Variants in AK5 observed in about 807,000 individuals in gnomAD.
AK5 encodes the protein adenylate kinase 5.
Under a neutral mutation model 69.5 loss-of-function variants are expected in AK5, and 27 were observed. The ratio of observed to expected loss-of-function variants is 0.39; its 90% CI spans 0.29 to 0.54. The LOEUF is 0.54. Ranked by LOEUF, AK5 falls within the 20% of genes least tolerant of loss-of-function variation. The pLI, the probability that AK5 is intolerant of heterozygous loss-of-function variation, is 0.71. For synonymous variants in AK5, 260 were observed against 244.4 expected, an observed-to-expected ratio of 1.06 and a Z score of -0.60; for missense variants, 531 against 700.4, an observed-to-expected ratio of 0.76 and a Z score of 2.73.
At chr1:77,506,662 T>C (rs1657050295) in intron 10 of AK5, among the ~76,000 whole-genome samples, 1 of 152,274 alleles carries the variant, frequency 6.6e-6, no homozygotes, top group Non-Finnish European at 1.5e-5. Flanking sequence ...CATAGAGTGT[T>C]AGTTAGAACA....
At chr1:77,548,285 CGAG>C (rs1488377197) in intron 13 of AK5, among the ~76,000 whole-genome samples, 4 of 152,270 alleles carry the variant, frequency 2.6e-5, no homozygotes, top group South Asian at 4.1e-4. Flanking sequence ...GCTTTGATAA[CGAG>C]GAGAACTGTG....
intron 6 of AK5, among the ~76,000 whole-genome samples, chr1:77,409,752 C>A (rs889648932): frequency 6.6e-6 from 1 of 152,100 alleles, no homozygotes; most frequent in African/African-American, 2.4e-5. Flanking sequence ...TAATTAGATC[C>A]CACTTGTCAA....
intron 8 of AK5, among the ~76,000 whole-genome samples, chr1:77,418,695 G>A (rs548334874): frequency 2.4e-3 from 359 of 152,288 alleles, no homozygotes; most frequent in African/African-American, 8.2e-3. Flanking sequence ...GTGCTCCTCA[G>A]CAATGGCTAA....
intron 6 of AK5, among the ~76,000 whole-genome samples, chr1:77,346,787 A>G (rs1228659040): frequency 3.9e-5 from 6 of 152,112 alleles, no homozygotes; most frequent in South Asian, 4.1e-4. Flanking sequence ...ATGAGCCACC[A>G]CACCCAGCCA....
At chr1:77,519,485 T>C (rs964025811) in intron 11 of AK5, among the ~76,000 whole-genome samples, 12 of 152,126 alleles carry the variant, frequency 7.9e-5, no homozygotes, top group Non-Finnish European at 2.9e-5. Flanking sequence ...GGGGTCCCAA[T>C]CCAGACCCCA....
At chr1:77,381,144 C>A (rs1647604344) in intron 6 of AK5, among the ~76,000 whole-genome samples, 1 of 152,292 alleles carries the variant, frequency 6.6e-6, no homozygotes. Context: ...TAGGAAGTTG[C>A]TTCCACATCA....
chr1:77,497,604 G>C (rs1656419976), intron 10 of AK5, among the ~76,000 whole-genome samples: 1 of 152,146 alleles, frequency 6.6e-6, no homozygotes, highest in South Asian at 2.1e-4. Flanking sequence ...AAACTTTTTT[G>C]TTTGTTGTTG....
intron 6 of AK5, among the ~76,000 whole-genome samples, chr1:77,371,753 T>C (rs1647126069): frequency 6.6e-6 from 1 of 152,118 alleles, no homozygotes. Flanking sequence ...TAAATGGAAG[T>C]CTCTATGATT....
intron 6 of AK5, among the ~76,000 whole-genome samples, chr1:77,346,876 A>G (rs1199919112): frequency 6.6e-6 from 1 of 152,220 alleles, no homozygotes; most frequent in Non-Finnish European, 1.5e-5. Context: ...ACATTTGATA[A>G]CAACTTGCCC....
intron 8 of AK5, among the ~76,000 whole-genome samples, chr1:77,452,492 T>G (rs1653217856): frequency 6.6e-6 from 1 of 152,232 alleles, no homozygotes; most frequent in Non-Finnish European, 1.5e-5. Context: ...AGCTGTCAGA[T>G]TGGATCCAAT....
intron 8 of AK5, among the ~76,000 whole-genome samples, chr1:77,427,495 A>G (rs1394678170): frequency 6.6e-6 from 1 of 152,158 alleles, no homozygotes; most frequent in East Asian, 1.9e-4. Context: ...TCAATAACTA[A>G]TAATCTCCCA....
chr1:77,426,220 T>C (rs997266177), intron 8 of AK5, among the ~76,000 whole-genome samples: 1 of 152,206 alleles, frequency 6.6e-6, no homozygotes, highest in Admixed American at 6.5e-5. Flanking sequence ...GACCCCACTA[T>C]ATGTTGTCTA....
At chr1:77,420,795 C>T (rs994250086) in intron 8 of AK5, among the ~76,000 whole-genome samples, 1 of 152,108 alleles carries the variant, frequency 6.6e-6, no homozygotes, top group Non-Finnish European at 1.5e-5. Flanking sequence ...CTTTCTTGAC[C>T]TTTGCTGCAT....
chr1:77,285,719 T>C (rs1440631514), intron 1 of AK5, among the ~76,000 whole-genome samples: 3 of 152,204 alleles, frequency 2.0e-5, no homozygotes, highest in Non-Finnish European at 4.4e-5. Flanking sequence ...AGCAGGATCA[T>C]GCTTTGTTTC....
chr1:77,328,273 G>GTT (rs748853127), intron 5 of AK5, among the ~76,000 whole-genome samples: 4 of 152,094 alleles, frequency 2.6e-5, no homozygotes, highest in Non-Finnish European at 4.4e-5. Flanking sequence ...TGCTGAGGTG[G>GTT]GCAGATCACG....
chr1:77,326,942 A>G (rs773965455), intron 5 of AK5, among the ~76,000 whole-genome samples: 1 of 152,224 alleles, frequency 6.6e-6, no homozygotes, highest in Non-Finnish European at 1.5e-5. Flanking sequence ...CTTTGCTTCC[A>G]TGAATTCATG....
intron 13 of AK5, among the ~76,000 whole-genome samples, chr1:77,537,928 A>T (rs1659058703): frequency 6.6e-6 from 1 of 152,216 alleles, no homozygotes; most frequent in Non-Finnish European, 1.5e-5. Flanking sequence ...ATGTTTGTCA[A>T]CACAGCACTC....
chr1:77,553,068 T>A (rs1170336118), intron 13 of AK5, among the ~76,000 whole-genome samples: 3 of 152,136 alleles, frequency 2.0e-5, no homozygotes, highest in Middle Eastern at 3.2e-3. Flanking sequence ...CTTTAAAAAA[T>A]TTGTATATTA....
At chr1:77,337,500 T>A (rs1318058382) in intron 5 of AK5, among the ~76,000 whole-genome samples, 2 of 152,176 alleles carry the variant, frequency 1.3e-5, no homozygotes, top group African/African-American at 2.4e-5. Context: ...ATTTCTTATG[T>A]AATTTATTTA....
Sources: allele counts gnomAD v4.1 joint callset (sites outside exome capture counted in the v4.1 genomes callset), GRCh38; gene constraint gnomAD v4.1.1; transcripts MANE v1.5; gene names NCBI Gene and HGNC (gene_info 2026-07-23, HGNC 2026-07-21).